ARHGEF26: variants seen among roughly 807,000 people sequenced by gnomAD.
ARHGEF26 encodes the protein Rho guanine nucleotide exchange factor 26.
A neutral mutation model predicts 89.4 loss-of-function variants in ARHGEF26; 59 were observed. That is an observed-to-expected ratio of 0.66 (90% CI 0.54 to 0.82). The LOEUF (loss-of-function observed/expected upper bound fraction) is 0.82, where lower values mean the gene tolerates loss of function less well. Among genes scored for constraint, ARHGEF26 ranks in the 40% least tolerant of loss-of-function variants. ARHGEF26 has a pLI of 0.00. For missense variants in ARHGEF26, 1,234 were observed against 1,085.6 expected (o/e 1.14, Z -1.92); for synonymous variants, 500 against 428.4 (o/e 1.17, Z -2.06).
At position 154,184,133 on chromosome 3, in the gene ARHGEF26, C is replaced by T. The variant is rs184342170; in HGVS notation, c.1488-3552C>T. Among the ~76,000 whole-genome samples the T allele has an allele frequency of 9.7e-4, 148 of 152,082 alleles. 1 individual carries two copies. Among genetic ancestry groups the T allele is most frequent in the African/African-American group, 3.1e-3 (130 of 41,508 alleles). ...GACTACAGGCGTCTGCCACCACCCC[C>T]GGCTAATTTTTTGTATTTTAAGTAG... On this transcript the variant is annotated intron_variant, in intron 6 of 14. Transcript: ENST00000465093.
chr3:154,146,421 A>C (rs937849997), intron 4 of ARHGEF26, among the ~76,000 whole-genome samples: 1 of 82,144 alleles, frequency 1.2e-5, no homozygotes, highest in Non-Finnish European at 3.4e-5. Flanking sequence ...TTTTAGGTGG[A>C]GTGTCTAATT....
chr3:154,214,842 C>G (rs923527242), intron 9 of ARHGEF26, among the ~76,000 whole-genome samples: 2 of 152,156 alleles, frequency 1.3e-5, no homozygotes, highest in Non-Finnish European at 2.9e-5. Context: ...TATTTTGGCT[C>G]TTAGCTTTGA....
intron 4 of ARHGEF26, among the ~76,000 whole-genome samples, chr3:154,138,662 A>G (rs1719168003): frequency 6.6e-6 from 1 of 152,242 alleles, no homozygotes; most frequent in African/African-American, 2.4e-5. Flanking sequence ...GTTAATTGTT[A>G]TGGGCATAAC....
At position 154,256,733 on chromosome 3, in the gene ARHGEF26, A is replaced by G. The variant is rs1718542169; in HGVS notation, c.*1260A>G. 3 of 1,379,384 alleles carry G rather than the reference A, an allele frequency of 2.2e-6. No individual in the cohort carries two copies. The Admixed American group carries it at 9.8e-5, about 45-fold the overall frequency. 85.4% of individuals were successfully genotyped at this position (1,379,384 alleles called of 1,614,324 possible). A position where few individuals can be genotyped will look rare whatever the true frequency, so the allele number is the denominator to read the frequency against. On this transcript the variant is annotated 3_prime_UTR_variant, in exon 15 of 15. Transcript: ENST00000465093. ...AAATTAGGCCTTAAAAGATACCAAG[A>G]AGTCAGCATGGTACCCAATTGAAAC...
At chr3:154,241,262 T>C (rs985738115) in intron 12 of ARHGEF26, among the ~76,000 whole-genome samples, 2 of 152,146 alleles carry the variant, frequency 1.3e-5, no homozygotes, top group African/African-American at 4.8e-5. Context: ...AAACTTCCTC[T>C]TGCAATAATC....
At chr3:154,159,223 A>T (rs1202435282) in intron 6 of ARHGEF26, among the ~76,000 whole-genome samples, 1 of 152,054 alleles carries the variant, frequency 6.6e-6, no homozygotes, top group Non-Finnish European at 1.5e-5. Flanking sequence ...TCAATAACAG[A>T]GTGTGCTGTT....
At chr3:154,213,492 G>A (rs1715526040) in intron 9 of ARHGEF26, among the ~76,000 whole-genome samples, 1 of 152,058 alleles carries the variant, frequency 6.6e-6, no homozygotes, top group Non-Finnish European at 1.5e-5. Context: ...TCTTGTGTTT[G>A]GTCTGACTTC....
intron 6 of ARHGEF26, among the ~76,000 whole-genome samples, chr3:154,183,852 A>G (rs145137718): frequency 1.2e-4 from 18 of 152,320 alleles, no homozygotes; most frequent in African/African-American, 3.4e-4. Context: ...TTGGTTATAT[A>G]GTTGCATTCC....
In ARHGEF26 at chr3:154,254,765, C is replaced by G. The variant is rs1269230606; in HGVS notation, c.2414C>G (p.Pro805Arg). 1 of 1,613,886 alleles carries G rather than the reference C, an allele frequency of 6.2e-7. No homozygotes were observed. Among genetic ancestry groups the G allele is most frequent in the Non-Finnish European group, 8.5e-7 (1 of 1,179,852 alleles). ...GTTAGGTCATTTACTGCTAAGCAGCCAGATGAACTCTCCCTGCAGGTGGCT... is the reference window on the plus strand; with the variant it reads ...GTTAGGTCATTTACTGCTAAGCAGCGAGATGAACTCTCCCTGCAGGTGGCT... ...EIVRSFTAKQ[P>R]DELSLQVADV... Residue 805 changes from proline to arginine, a missense_variant, in exon 14 of 15, where the codon CCA becomes CGA. Coordinates refer to ENST00000465093, the MANE Select transcript of ARHGEF26 (RefSeq NM_015595.4).
intron 13 of ARHGEF26, among the ~76,000 whole-genome samples, chr3:154,254,117 G>C (rs532283231): frequency 6.6e-6 from 1 of 152,008 alleles, no homozygotes; most frequent in Non-Finnish European, 1.5e-5. Flanking sequence ...GGGTTTCACC[G>C]TGTTAGCCAG....
intron 13 of ARHGEF26, among the ~76,000 whole-genome samples, chr3:154,254,170 C>G (rs896271563): frequency 3.9e-5 from 6 of 152,202 alleles, no homozygotes; most frequent in African/African-American, 1.2e-4. Flanking sequence ...CTGCCTCGGC[C>G]TCCCAAAGTG....
At chr3:154,144,445 G>C (rs1168682056) in intron 4 of ARHGEF26, among the ~76,000 whole-genome samples, 5 of 152,212 alleles carry the variant, frequency 3.3e-5, no homozygotes, top group African/African-American at 1.2e-4. Flanking sequence ...AATAAATTGA[G>C]AACCAACCAG....
rs183676193 is a variant in ARHGEF26, at chr3:154,168,042, A to C, written c.1487+15110A>C. ...GTTAATTTATTTATCTTAGTAAGCC[A>C]TGTGGTGTGCATGAGCTTATTTTAC... On this transcript the variant is annotated intron_variant, in intron 6 of 14. Transcript: ENST00000465093. Among the ~76,000 whole-genome samples the C allele has an allele frequency of 4.2e-3, 644 of 152,332 alleles. 3 individuals carry two copies. Among genetic ancestry groups the C allele is most frequent in the Non-Finnish European group, 6.6e-3 (447 of 68,030 alleles).
In ARHGEF26 at chr3:154,203,297, C is replaced by T. The variant is rs1485977010; in HGVS notation, c.1845+8579C>T. On this transcript the variant is annotated intron_variant, in intron 9 of 14. Coordinates refer to ENST00000465093, the MANE Select transcript of ARHGEF26 (RefSeq NM_015595.4). ...TTGGTTCTGTTTATATGCTGGATTA[C>T]ATTTATTGATTTGCATATATTGAAC... Among the ~76,000 whole-genome samples the T allele has an allele frequency of 8.5e-5, 13 of 152,234 alleles. No individual in the cohort carries two copies. The South Asian group carries it at 2.7e-3, about 32-fold the overall frequency.
intron 12 of ARHGEF26, among the ~76,000 whole-genome samples, chr3:154,251,158 GC>G (rs1164002151): frequency 6.6e-6 from 1 of 152,146 alleles, no homozygotes; most frequent in African/African-American, 2.4e-5. Context: ...AACACCTGCT[GC>G]GTAACACCAC....
At chr3:154,121,697 C>T (rs1717928695) in intron 1 of ARHGEF26, among the ~76,000 whole-genome samples, 178 bp downstream of exon 1, 1 of 152,192 alleles carries the variant, frequency 6.6e-6, no homozygotes, top group East Asian at 1.9e-4. Context: ...TCATTTGCTG[C>T]GGGTGGTCTT....
chr3:154,246,503 T>C (rs1166411291), intron 12 of ARHGEF26, among the ~76,000 whole-genome samples: 2 of 152,190 alleles, frequency 1.3e-5, no homozygotes, highest in East Asian at 1.9e-4. Flanking sequence ...ATTTTAACAA[T>C]TAATTTATTT....
chr3:154,124,735 G>A (rs544144269), intron 3 of ARHGEF26, among the ~76,000 whole-genome samples: 1 of 152,200 alleles, frequency 6.6e-6, no homozygotes, highest in South Asian at 2.1e-4. Flanking sequence ...CTCAGGAAGG[G>A]TAAGAGCAAG....
rs1576818954 is a variant in ARHGEF26, at chr3:154,240,076, T to C, written c.2091-294T>C. 2.0e-5 allele frequency among the ~76,000 whole-genome samples: 3 copies of C among 152,222 alleles called. No homozygotes were observed. In the East Asian group the frequency reaches 5.8e-4, roughly 29 times the overall value. On this transcript the variant is annotated intron_variant, in intron 11 of 14. Transcript: ENST00000465093. The stretch of plus-strand genomic sequence containing the variant: ...CCTGCTGGAGCATGACCAAGATGCA[T>C]GTAAGGATGCAAGGATCACTTATTA...
Sources: gnomAD v4.1 joint callset for allele counts (sites outside exome capture counted in the v4.1 genomes callset) on GRCh38, gnomAD v4.1.1 for gene constraint, MANE v1.5 for transcripts, NCBI Gene and HGNC (gene_info 2026-07-23, HGNC 2026-07-21) for gene names.